BRI3BP: variants seen among roughly 807,000 people sequenced by gnomAD.
BRI3BP encodes BRI3 binding protein.
In BRI3BP, 7 loss-of-function variants were observed where a neutral mutation model predicts 15.8. That is an observed-to-expected ratio of 0.44 (90% CI 0.25 to 0.83). BRI3BP has a LOEUF of 0.83. BRI3BP is among the 40% of genes least tolerant of loss of function. The pLI, the probability that BRI3BP is intolerant of heterozygous loss-of-function variation, is 0.20. For missense variants in BRI3BP, 320 were observed against 339.3 expected (o/e 0.94, Z 0.45); for synonymous variants, 192 against 163.5 (o/e 1.17, Z -1.33).
chr12:124,996,559 A>G (rs896634823), intron 1 of BRI3BP, among the ~76,000 whole-genome samples: 1 of 151,492 alleles, frequency 6.6e-6, no homozygotes, highest in Non-Finnish European at 1.5e-5. Context: ...TCCTGACCTC[A>G]AGTGATCTGC....
the BRI3BP span, among the ~76,000 whole-genome samples, chr12:125,037,359 A>T: frequency 6.6e-6 from 1 of 152,088 alleles, no homozygotes; most frequent in East Asian, 1.9e-4. Context: ...CGCCCTGCCA[A>T]AAAGGCTTTA....
At chr12:125,014,987 A>G (rs1270632625) in intron 2 of BRI3BP, among the ~76,000 whole-genome samples, 1 of 152,188 alleles carries the variant, frequency 6.6e-6, no homozygotes, top group Non-Finnish European at 1.5e-5. Context: ...GGCTGGTCTC[A>G]AACTCTTGGG....
At chr12:125,040,256 ATCT>A in the BRI3BP span, among the ~76,000 whole-genome samples, 1 of 150,200 alleles carries the variant, frequency 6.7e-6, no homozygotes, top group Non-Finnish European at 1.5e-5. Flanking sequence ...GCAAGACTCC[ATCT>A]CAAAAAAAAA....
At chr12:125,048,120 T>C in the BRI3BP span, among the ~76,000 whole-genome samples, 1 of 151,958 alleles carries the variant, frequency 6.6e-6, no homozygotes, top group Non-Finnish European at 1.5e-5. Context: ...GAAGAAATGC[T>C]CTGGACAGAT....
rs150895131 is a variant in BRI3BP, at chr12:125,007,963, G to A, written c.214-4571G>A. Among the ~76,000 whole-genome samples the A allele has an allele frequency of 4.7e-3, 713 of 152,238 alleles. 7 individuals are homozygous for A. Among genetic ancestry groups the A allele is most frequent in the African/African-American group, 0.016 (661 of 41,554 alleles). On this transcript the variant is annotated intron_variant, in intron 1 of 2. Coordinates refer to ENST00000341446, the MANE Select transcript of BRI3BP (RefSeq NM_080626.6). Reference sequence around the variant, plus strand: ...GGCACATGTGCAACTGCCTCTCTCAGTCAAGGTCCTCAACCTGGAGTGTGC... The same window carrying A: ...GGCACATGTGCAACTGCCTCTCTCAATCAAGGTCCTCAACCTGGAGTGTGC...
At chr12:124,999,034 C>T (rs1955062052) in intron 1 of BRI3BP, among the ~76,000 whole-genome samples, 1 of 152,118 alleles carries the variant, frequency 6.6e-6, no homozygotes, top group African/African-American at 2.4e-5. Context: ...GCTGTGATCA[C>T]ACCACTGTAC....
Position 124,993,950 on chromosome 12 carries a change from T to C in BRI3BP, c.160T>C (p.Ser54Pro). 1 of 1,368,098 alleles carries C rather than the reference T, an allele frequency of 7.3e-7. No individual in the cohort carries two copies. The highest frequency in any genetic ancestry group is 9.5e-7 in the Non-Finnish European group (1 of 1,047,192). The allele number at this position is 1,368,098 out of a possible 1,614,324, so 84.7% of individuals were successfully genotyped here. Reference sequence around the variant, plus strand: ...CTACCGCCGCACGGTCAACACCTTCTCCCAGAGCGTCAGCAGCCTGTTCGG... The same window carrying C: ...CTACCGCCGCACGGTCAACACCTTCCCCCAGAGCGTCAGCAGCCTGTTCGG... ...NSYRRTVNTF[S>P]QSVSSLFGED... Residue 54 changes from serine (S) to proline (P), a missense_variant, in exon 1 of 3, where the codon TCC becomes CCC. Physicochemically the swap from Ser to Pro is moderately conservative, Grantham distance 74. Coordinates refer to ENST00000341446, the MANE Select transcript of BRI3BP (RefSeq NM_080626.6).
In BRI3BP at chr12:125,029,487, A is replaced by C. The variant is rs1678331730; in HGVS notation, c.*4057A>C. On this transcript the variant is annotated 3_prime_UTR_variant, in exon 3 of 3. Transcript: ENST00000341446. The stretch of plus-strand genomic sequence containing the variant: ...GCAGAGGTTGCAGTGAACTGAGATC[A>C]CACCACTGTACTCCAGTTGAGGCGA... 1 of 150,286 alleles carries C rather than the reference A, an allele frequency of 6.7e-6. No homozygotes were observed. Among genetic ancestry groups the C allele is most frequent in the East Asian group, 2.0e-4 (1 of 5,126 alleles). The allele number at this position is 150,286 out of a possible 1,614,324, so 9.3% of individuals were successfully genotyped here.
chr12:125,021,762 G>A (rs1346946632), intron 2 of BRI3BP, among the ~76,000 whole-genome samples: 1 of 152,114 alleles, frequency 6.6e-6, no homozygotes, highest in Non-Finnish European at 1.5e-5. Context: ...ATCAGATCTC[G>A]TGAGACTCAC....
At chr12:125,002,336 C>A (rs1200150213) in intron 1 of BRI3BP, among the ~76,000 whole-genome samples, 1 of 149,298 alleles carries the variant, frequency 6.7e-6, no homozygotes, top group African/African-American at 2.4e-5. Context: ...CATGTGGGGC[C>A]TGGTTTCCCC....
the BRI3BP span, among the ~76,000 whole-genome samples, chr12:125,037,345 G>T: frequency 4.6e-4 from 70 of 152,138 alleles, no homozygotes; most frequent in African/African-American, 1.7e-3. Context: ...GGCGTGAGCC[G>T]CCACGCCCTG....
chr12:124,994,914 C>G (rs1199202437), intron 1 of BRI3BP, among the ~76,000 whole-genome samples: 1 of 152,164 alleles, frequency 6.6e-6, no homozygotes, highest in Non-Finnish European at 1.5e-5. Flanking sequence ...GAAGTGACTT[C>G]ACTTCTTTGA....
intron 2 of BRI3BP, among the ~76,000 whole-genome samples, chr12:125,022,847 A>C (rs1195629187): frequency 6.6e-6 from 1 of 152,116 alleles, no homozygotes; most frequent in Non-Finnish European, 1.5e-5. Context: ...GAATGATGAT[A>C]GTATCATGGT....
chr12:125,009,975 G>A (rs1049309994), intron 1 of BRI3BP, among the ~76,000 whole-genome samples: 3 of 151,954 alleles, frequency 2.0e-5, no homozygotes, highest in Middle Eastern at 3.2e-3. Context: ...GATGGCAGGC[G>A]CCTGGAATTC....
At chr12:125,011,436 C>T (rs1001196485) in intron 1 of BRI3BP, among the ~76,000 whole-genome samples, 2 of 152,184 alleles carry the variant, frequency 1.3e-5, no homozygotes, top group Non-Finnish European at 2.9e-5. Flanking sequence ...GAGTATGGGC[C>T]TGGCTCCAGG....
rs1955015046 is a variant in BRI3BP at position 124,993,741 on chromosome 12, A to G, written c.-50A>G. The G allele has an allele frequency of 5.2e-6, 5 of 957,756 alleles. No individual in the cohort carries two copies. The highest frequency in any genetic ancestry group is 6.2e-6 in the Non-Finnish European group (5 of 805,176). The allele number at this position is 957,756 out of a possible 1,614,324, so 59.3% of individuals were successfully genotyped here. A position where few individuals can be genotyped will look rare whatever the true frequency, so the allele number is the denominator to read the frequency against. On this transcript the variant is annotated 5_prime_UTR_variant, in exon 1 of 3. Coordinates refer to ENST00000341446, the MANE Select transcript of BRI3BP (RefSeq NM_080626.6). ...CCCTAGCCGGAGCCCGCTGCGGCCCAGCGCACGGCCCTCACCCCGCATCGC... is the reference window on the plus strand; with the variant it reads ...CCCTAGCCGGAGCCCGCTGCGGCCCGGCGCACGGCCCTCACCCCGCATCGC...
chr12:125,024,626 C>T (rs1159249040), intron 2 of BRI3BP, among the ~76,000 whole-genome samples: 1 of 151,970 alleles, frequency 6.6e-6, no homozygotes, highest in East Asian at 1.9e-4. Flanking sequence ...ATGGAGAAAC[C>T]CCGTCTCTAC....
chr12:125,042,686 C>T, the BRI3BP span, among the ~76,000 whole-genome samples: 1 of 152,088 alleles, frequency 6.6e-6, no homozygotes, highest in Admixed American at 6.6e-5. Context: ...AGGCACCCAC[C>T]ACCACGCCCA....
chr12:125,009,873 A>G (rs928953701), intron 1 of BRI3BP, among the ~76,000 whole-genome samples: 1 of 151,946 alleles, frequency 6.6e-6, no homozygotes, highest in African/African-American at 2.4e-5. Flanking sequence ...ACGCCTAGGC[A>G]GGCGGGTCAC....
Sources: gnomAD v4.1 joint callset for allele counts (sites outside exome capture counted in the v4.1 genomes callset) on GRCh38, gnomAD v4.1.1 for gene constraint, MANE v1.5 for transcripts, NCBI Gene and HGNC (gene_info 2026-07-23, HGNC 2026-07-21) for gene names.